The following PLCE1 variants were observed in gnomAD, a reference collection of about 807,000 sequenced individuals.
PLCE1 encodes the protein 1-phosphatidylinositol 4,5-bisphosphate phosphodiesterase epsilon-1.
In PLCE1, 119 loss-of-function variants were observed where a neutral mutation model predicts 242.8. The observed-to-expected ratio is 0.49, with a 90% CI of 0.42 to 0.57. The LOEUF is 0.57. Among genes scored for constraint, PLCE1 ranks in the 20% least tolerant of loss-of-function variants. The pLI is 0.00. For synonymous variants in PLCE1, 945 were observed against 1,017.4 expected (o/e 0.93, Z 1.35); for missense variants, 2,441 against 2,788.8 (o/e 0.88, Z 2.81).
intron 23 of PLCE1, 141 bp downstream of exon 23, chr10:94,293,780 G>T (rs1420515246): frequency 1.0e-6 from 1 of 1,004,104 alleles, no homozygotes; most frequent in East Asian, 2.9e-5. Context: ...ATAAATTTTT[G>T]TAATTGCTAA....
chr10:94,110,058 CTTTTTTTTT>C (rs33974566), intron 2 of PLCE1, among the ~76,000 whole-genome samples: 14 of 75,890 alleles, frequency 1.8e-4, no homozygotes, highest in African/African-American at 4.2e-4. Flanking sequence ...TTTCTTTTTT[CTTTTTTTTT>C]TTTTTTTTTT....
chr10:94,246,383 T>C lies in PLCE1; in HGVS notation c.2858T>C (p.Ile953Thr). 1 of 1,613,776 alleles carries C rather than the reference T, an allele frequency of 6.2e-7. No homozygotes were observed. Among genetic ancestry groups the C allele is most frequent in the Non-Finnish European group, 8.5e-7 (1 of 1,179,604 alleles). The change falls in exon 8 of 33, where the codon ATA becomes ACA. Residue 953 changes from isoleucine (I) to threonine (T), a missense_variant. By Grantham distance (89) the Ile-to-Thr change is moderately conservative. This residue lies in a region of PLCE1 where 733 missense variants were observed against 754.2 expected (regional missense o/e 0.97). Transcript: ENST00000371380. ...TACATGGGCCACCCTGGCATTGATA[T>C]ACACACTGTGTGTGTTCAGAACAAA... ...AVYMGHPGIDIHTVCVQNKLG... is the reference protein window; with the variant it reads ...AVYMGHPGIDTHTVCVQNKLG...
chr10:94,100,488 TC>T (rs1349217228), intron 2 of PLCE1: 33 of 152,208 alleles, frequency 2.2e-4, no homozygotes, highest in Admixed American at 2.2e-3. Flanking sequence ...TTGCTTTTGC[TC>T]CCCAAATTTT....
At chr10:94,249,664 GAT>G (rs1488741912) in intron 8 of PLCE1, among the ~76,000 whole-genome samples, 3 of 152,114 alleles carry the variant, frequency 2.0e-5, no homozygotes, top group Admixed American at 6.6e-5. Flanking sequence ...AGTAACAAGA[GAT>G]AACACAGAAG....
chr10:94,154,784 A>G (rs1265132730), intron 3 of PLCE1, among the ~76,000 whole-genome samples: 1 of 151,780 alleles, frequency 6.6e-6, no homozygotes, highest in Non-Finnish European at 1.5e-5. Flanking sequence ...CACGCCTGTA[A>G]TCTCAACACT....
chr10:94,107,781 A>G (rs1170879599), intron 2 of PLCE1: 1 of 152,200 alleles, frequency 6.6e-6, no homozygotes, highest in Non-Finnish European at 1.5e-5. Context: ...AGCAGAAGAG[A>G]GGACATTCAG....
In PLCE1 at chr10:94,031,488, G is replaced by C; in HGVS notation, c.442G>C (p.Val148Leu). 2.5e-6 allele frequency: 4 copies of C among 1,613,162 alleles called. No individual in the cohort carries two copies. The highest frequency in any genetic ancestry group is 3.4e-6 in the Non-Finnish European group (4 of 1,179,788). ...TGIPSPLERK[V>L]FPGIQLELDR... is the part of the protein sequence containing the mutation. ...AATTCCTTCTCCACTGGAAAGAAAG[G>C]TGTTCCCTGGAATTCAACTGGAACT... is the stretch of plus-strand genomic sequence containing the variant. The change falls in exon 2 of 33, where the codon GTG becomes CTG. Residue 148 changes from valine to leucine, a missense_variant. Transcript: ENST00000371380.
At chr10:94,188,624 A>C (rs555575291) in intron 4 of PLCE1, among the ~76,000 whole-genome samples, 1 of 152,180 alleles carries the variant, frequency 6.6e-6, no homozygotes, top group South Asian at 2.1e-4. Flanking sequence ...TTTGCTTTTT[A>C]GATGGAGCTT....
intron 7 of PLCE1, among the ~76,000 whole-genome samples, chr10:94,238,383 C>A (rs374969885): frequency 4.6e-5 from 7 of 152,190 alleles, no homozygotes; most frequent in Non-Finnish European, 1.0e-4. Flanking sequence ...TTGTGCCTAG[C>A]GAGCTGAAGT....
At chr10:94,146,960 G>A (rs2047131351) in intron 3 of PLCE1, among the ~76,000 whole-genome samples, 1 of 152,188 alleles carries the variant, frequency 6.6e-6, no homozygotes, top group African/African-American at 2.4e-5. Flanking sequence ...CATGGACAGG[G>A]TCTTGGTAAG....
intron 22 of PLCE1, among the ~76,000 whole-genome samples, chr10:94,287,751 T>C (rs1193408880): frequency 1.3e-5 from 2 of 152,014 alleles, no homozygotes; most frequent in African/African-American, 4.8e-5. Context: ...AAGGATATGG[T>C]ATTTTTATTT....
At chr10:94,076,517 G>GT (rs2044507018) in intron 2 of PLCE1, among the ~76,000 whole-genome samples, 1 of 152,098 alleles carries the variant, frequency 6.6e-6, no homozygotes, top group Non-Finnish European at 1.5e-5. Flanking sequence ...GCTGTGCATG[G>GT]TTGTCTTTTT....
chr10:94,255,912 ACACTCTCTCTCT>A (rs1249155357), intron 11 of PLCE1, among the ~76,000 whole-genome samples: 87 of 87,020 alleles, frequency 1.0e-3, no homozygotes, highest in Middle Eastern at 7.0e-3. Flanking sequence ...ACACACACAC[ACACTCTCTCTCT>A]CTCTCTCTCT....
At chr10:94,118,566 T>C (rs757891208) in intron 2 of PLCE1, among the ~76,000 whole-genome samples, 64 of 152,302 alleles carry the variant, frequency 4.2e-4, no homozygotes, top group Admixed American at 5.2e-4. Context: ...TCATAAGATC[T>C]GATGGTTTTA....
chr10:94,222,649 G>A (rs886518425), intron 4 of PLCE1, among the ~76,000 whole-genome samples: 3 of 152,154 alleles, frequency 2.0e-5, no homozygotes, highest in Non-Finnish European at 4.4e-5. Flanking sequence ...GCCAGGGCGT[G>A]AGTACAAGGG....
At chr10:94,169,918 G>A (rs923107886) in intron 3 of PLCE1, among the ~76,000 whole-genome samples, 2 of 152,164 alleles carry the variant, frequency 1.3e-5, no homozygotes, top group East Asian at 1.9e-4. Context: ...AATGCTTATC[G>A]TAGCACCAGA....
chr10:94,031,677 G>A lies in PLCE1; in HGVS notation c.631G>A (p.Asp211Asn). 6.2e-7 allele frequency: 1 copy of A among 1,613,890 alleles called. No individual in the cohort carries two copies. The highest frequency in any genetic ancestry group is 8.5e-7 in the Non-Finnish European group (1 of 1,179,884). Residue 211 changes from aspartate (D) to asparagine (N), a missense_variant, in exon 2 of 33, where the codon GAC becomes AAC. This residue lies in a region of PLCE1 where 393 missense variants were observed against 378.5 expected (regional missense o/e 1.04). Transcript: ENST00000371380. ...FCTLSENLILDDCGNCVPLPG... is the reference protein window; with the variant it reads ...FCTLSENLILNDCGNCVPLPG... ...TACCCTATCAGAAAACTTAATTTTA[G>A]ACGATTGTGGAAATTGTGTACCACT...
At chr10:94,025,049 G>T (rs1165791491) in intron 1 of PLCE1, among the ~76,000 whole-genome samples, 2 of 151,758 alleles carry the variant, frequency 1.3e-5, no homozygotes, top group Non-Finnish European at 2.9e-5. Flanking sequence ...AGGCAGTCAG[G>T]TTTCTATCTT....
chr10:94,319,947 G>A (rs186287683), intron 29 of PLCE1, among the ~76,000 whole-genome samples: 1 of 138,754 alleles, frequency 7.2e-6, no homozygotes, highest in East Asian at 2.1e-4. Flanking sequence ...TCAGCTCACT[G>A]CAAATTCCGC....
Sources: gnomAD v4.1 joint callset for allele counts (sites outside exome capture counted in the v4.1 genomes callset) on GRCh38, gnomAD v4.1.1 for gene constraint, gnomAD v4.1.1 regional missense constraint, MANE v1.5 for transcripts, NCBI Gene and HGNC (gene_info 2026-07-23, HGNC 2026-07-21) for gene names.